The following GPATCH2 variants were observed in gnomAD, a reference collection of about 807,000 sequenced individuals.
GPATCH2 encodes the protein G-patch domain containing 2.
GPATCH2 carries 51 observed loss-of-function variants against 58.0 expected under a neutral mutation model. The ratio of observed to expected loss-of-function variants is 0.88; its 90% CI spans 0.70 to 1.11. The LOEUF (loss-of-function observed/expected upper bound fraction) is 1.11. GPATCH2 is among the 50% of genes most tolerant of loss of function. The pLI, the probability that GPATCH2 is intolerant of heterozygous loss-of-function variation, is 0.00. For synonymous variants in GPATCH2, 222 were observed against 218.5 expected (o/e 1.02, Z -0.14); for missense variants, 625 against 652.2 (o/e 0.96, Z 0.45).
chr1:217,475,659 GA>G, intron 8 of GPATCH2, among the ~76,000 whole-genome samples: 1 of 152,208 alleles, frequency 6.6e-6, no homozygotes, highest in East Asian at 1.9e-4. Context: ...GGAGCACAGA[GA>G]AAATGGCAAC....
chr1:217,596,966 A>T (rs1250750935), intron 5 of GPATCH2, among the ~76,000 whole-genome samples: 1 of 152,146 alleles, frequency 6.6e-6, no homozygotes, highest in Non-Finnish European at 1.5e-5. Context: ...AGCCCAATTA[A>T]AATCAATAGA....
chr1:217,553,410 T>A (rs1665456421), intron 5 of GPATCH2, among the ~76,000 whole-genome samples: 1 of 152,136 alleles, frequency 6.6e-6, no homozygotes, highest in Admixed American at 6.6e-5. Flanking sequence ...TTTTATTGAT[T>A]AATTTCATCA....
intron 3 of GPATCH2, 95 bp downstream of exon 3, chr1:217,614,046 G>A: frequency 1.3e-6 from 1 of 763,930 alleles, no homozygotes; most frequent in South Asian, 1.5e-5. Context: ...AAGGTAAATG[G>A]ATTGCAGTCA....
chr1:217,526,902 G>T (rs1663933208), intron 5 of GPATCH2, among the ~76,000 whole-genome samples: 1 of 152,172 alleles, frequency 6.6e-6, no homozygotes, highest in Non-Finnish European at 1.5e-5. Flanking sequence ...ATTGTGAATT[G>T]TGCCTGCAAG....
chr1:217,485,617 ATC>A (rs1215001818), intron 8 of GPATCH2, among the ~76,000 whole-genome samples: 1 of 152,138 alleles, frequency 6.6e-6, no homozygotes, highest in East Asian at 1.9e-4. Flanking sequence ...CTCTCTAATG[ATC>A]TGTTTTTCTA....
intron 5 of GPATCH2, among the ~76,000 whole-genome samples, chr1:217,576,142 T>G (rs1666792712): frequency 6.6e-6 from 1 of 152,132 alleles, no homozygotes; most frequent in Non-Finnish European, 1.5e-5. Context: ...TGCTTTTGCC[T>G]GATTATGTAC....
intron 5 of GPATCH2, among the ~76,000 whole-genome samples, chr1:217,577,991 T>C (rs1394386483): frequency 6.7e-6 from 1 of 148,508 alleles, no homozygotes; most frequent in East Asian, 2.1e-4. Flanking sequence ...AGGTGATCCG[T>C]CCTCCTTGGA....
At chr1:217,448,208 TTTC>T (rs981117079) in intron 9 of GPATCH2, among the ~76,000 whole-genome samples, 7 of 152,260 alleles carry the variant, frequency 4.6e-5, no homozygotes, top group African/African-American at 1.7e-4. Context: ...TACATATATT[TTTC>T]TTTTTACTGT....
intron 6 of GPATCH2, among the ~76,000 whole-genome samples, chr1:217,502,043 A>G (rs560395956): frequency 5.3e-5 from 8 of 151,760 alleles, no homozygotes; most frequent in African/African-American, 1.9e-4. Context: ...GGGGGGAGCT[A>G]TTTTTGGGGG....
chr1:217,605,491 C>T (rs1668311231), intron 5 of GPATCH2, among the ~76,000 whole-genome samples: 1 of 152,150 alleles, frequency 6.6e-6, no homozygotes, highest in Non-Finnish European at 1.5e-5. Context: ...GAAAAGTGGA[C>T]TGAGGCAATT....
At chr1:217,559,354 C>A (rs1057228203) in intron 5 of GPATCH2, among the ~76,000 whole-genome samples, 1 of 152,074 alleles carries the variant, frequency 6.6e-6, no homozygotes, top group East Asian at 1.9e-4. Context: ...CAAAAGATAC[C>A]GAGGAAAGAT....
chr1:217,598,144 G>C (rs1298998299), intron 5 of GPATCH2, among the ~76,000 whole-genome samples: 1 of 152,110 alleles, frequency 6.6e-6, no homozygotes, highest in African/African-American at 2.4e-5. Flanking sequence ...CAAGCACTTT[G>C]GTAGGCTGAG....
At chr1:217,447,537 T>C (rs976099303) in intron 9 of GPATCH2, among the ~76,000 whole-genome samples, 1 of 152,142 alleles carries the variant, frequency 6.6e-6, no homozygotes, top group Non-Finnish European at 1.5e-5. Flanking sequence ...CATACAGTTG[T>C]TATAAAGATA....
rs528457580 is a variant in GPATCH2, at chr1:217,620,445, T to C, written c.111A>G (p.Glu37=). ...ELVHDLVSAL[E]ESSEQARGGF... The stretch of plus-strand genomic sequence containing the variant: ...CACCTCGAGCTTGCTCTGAGCTCTC[T>C]TCCAATGCTGAGACAAGGTCATGAA... The change falls in exon 2 of 10, where the codon GAA becomes GAG. Residue 37 remains glutamate, a synonymous_variant. Transcript: ENST00000366935. 1 of 1,614,062 alleles carries C rather than the reference T, an allele frequency of 6.2e-7. No individual in the cohort carries two copies. The highest frequency in any genetic ancestry group is 1.3e-5 in the African/African-American group (1 of 75,030).
intron 1 of GPATCH2, among the ~76,000 whole-genome samples, chr1:217,626,014 A>G (rs1400745153): frequency 6.6e-6 from 1 of 152,202 alleles, no homozygotes; most frequent in Non-Finnish European, 1.5e-5. Flanking sequence ...ACTCAAGGAT[A>G]ACTGATTATA....
At chr1:217,514,025 A>C (rs1662994225) in intron 6 of GPATCH2, among the ~76,000 whole-genome samples, 2 of 151,674 alleles carry the variant, frequency 1.3e-5, no homozygotes, top group Non-Finnish European at 2.9e-5. Context: ...GGGTTTCACG[A>C]TATGTTGGCC....
At chr1:217,617,992 G>T (rs752322495) in intron 2 of GPATCH2, among the ~76,000 whole-genome samples, 2 of 152,004 alleles carry the variant, frequency 1.3e-5, no homozygotes, top group Non-Finnish European at 2.9e-5. Flanking sequence ...CTTGCACAAT[G>T]AATCCAAAAA....
intron 9 of GPATCH2, among the ~76,000 whole-genome samples, chr1:217,447,705 A>G (rs948457654): frequency 6.6e-6 from 1 of 152,228 alleles, no homozygotes; most frequent in Non-Finnish European, 1.5e-5. Flanking sequence ...TAATTTTATA[A>G]TCTAGTCCCT....
intron 5 of GPATCH2, among the ~76,000 whole-genome samples, chr1:217,536,682 A>G (rs904851175): frequency 3.3e-5 from 5 of 152,158 alleles, no homozygotes; most frequent in African/African-American, 1.2e-4. Flanking sequence ...TTCTTAAAAA[A>G]ACAGATGTAT....
Sources: allele counts gnomAD v4.1 joint callset (sites outside exome capture counted in the v4.1 genomes callset), GRCh38; gene constraint gnomAD v4.1.1; transcripts MANE v1.5; gene names NCBI Gene and HGNC (gene_info 2026-07-23, HGNC 2026-07-21).